The following AMZ1 variants were observed in gnomAD, a reference collection of about 807,000 sequenced individuals.
The protein encoded by AMZ1 is archaelysin family metallopeptidase 1, also known as archaemetzincin-1.
Under a neutral mutation model 29.9 loss-of-function variants are expected in AMZ1, and 39 were observed. That is an observed-to-expected ratio of 1.30 (90% CI 1.01 to 1.70). The LOEUF (loss-of-function observed/expected upper bound fraction) is 1.70. AMZ1 is among the 40% of genes most tolerant of loss of function. The pLI, the probability that AMZ1 is intolerant of heterozygous loss-of-function variation, is 0.00. For synonymous variants in AMZ1, 458 were observed against 304.0 expected (o/e 1.51, Z -5.27); for missense variants, 1,041 against 680.6 (o/e 1.53, Z -5.89).
intron 1 of AMZ1, among the ~76,000 whole-genome samples, chr7:2,691,737 A>AAAAAAAT (rs1554245469): frequency 6.6e-6 from 1 of 151,274 alleles, no homozygotes; most frequent in Admixed American, 6.6e-5. Context: ...TCTCAAAAAA[A>AAAAAAAT]AAAAAAAAAA....
Position 2,731,172 on chromosome 7 carries a change from C to A in AMZ1, n.550+21356C>A. The A allele has an allele frequency of 1.3e-6, 2 of 1,589,494 alleles. No homozygotes were observed. The highest frequency in any genetic ancestry group is 8.6e-7 in the Non-Finnish European group (1 of 1,163,388). Reference sequence around the variant, plus strand: ...TGCTCAACGACGACAAACCCCGGGGCTTCCTCGCTCACTGCAGCATGATGT... The same window carrying A: ...TGCTCAACGACGACAAACCCCGGGGATTCCTCGCTCACTGCAGCATGATGT... On this transcript the variant is annotated intron_variant and non_coding_transcript_variant, in intron 4 of 4. Transcript: ENST00000489665. This position sits in a 1 kb window ranked among gnomAD's most constrained non-coding sequence, Gnocchi z 6.0.
chr7:2,683,934 T>G (rs564683182), upstream of AMZ1, among the ~76,000 whole-genome samples: 2 of 151,708 alleles, frequency 1.3e-5, no homozygotes, highest in African/African-American at 4.8e-5. Context: ...TCCCAGCACT[T>G]TGGGAGGCCG....
intron 4 of AMZ1, among the ~76,000 whole-genome samples, chr7:2,735,853 G>A (rs767510774): frequency 6.6e-6 from 1 of 152,140 alleles, no homozygotes; most frequent in African/African-American, 2.4e-5. Flanking sequence ...ACTGTAAGGT[G>A]CCAGGGACTG....
At position 2,753,317 on chromosome 7, in the gene AMZ1, C is replaced by T. The variant is rs550063227; in HGVS notation, n.551-11395C>T. 2.0e-5 allele frequency among the ~76,000 whole-genome samples: 3 copies of T among 152,244 alleles called. No homozygotes were observed. The South Asian group carries it at 6.2e-4, about 32-fold the overall frequency. On this transcript the variant is annotated intron_variant and non_coding_transcript_variant, in intron 4 of 4. Transcript: ENST00000489665. ...TATAGGTGCATGCCACCACGATTGGCTAATTTTATTTTTTGTAGAGATGGG... is the reference window on the plus strand; with the variant it reads ...TATAGGTGCATGCCACCACGATTGGTTAATTTTATTTTTTGTAGAGATGGG...
chr7:2,722,358 T>C (rs559213761), downstream of AMZ1, among the ~76,000 whole-genome samples: 7 of 152,164 alleles, frequency 4.6e-5, no homozygotes, highest in East Asian at 1.9e-4. Context: ...CTGCAAGCTC[T>C]GCCTCCCGGG....
At chr7:2,709,867 C>A in intron 6 of AMZ1, 51 bp downstream of exon 6, 1 of 1,592,208 alleles carries the variant, frequency 6.3e-7, no homozygotes, top group Non-Finnish European at 8.5e-7. Context: ...GCTCCGGAGG[C>A]CCGCGAGCGC....
At chr7:2,725,666 G>C (rs1218137205) in intron 4 of AMZ1, among the ~76,000 whole-genome samples, 1 of 152,198 alleles carries the variant, frequency 6.6e-6, no homozygotes, top group Non-Finnish European at 1.5e-5. Context: ...TCCACTCCCA[G>C]AGCTCAGTTA....
intron 4 of AMZ1, among the ~76,000 whole-genome samples, chr7:2,759,012 C>T (rs542235333): frequency 6.6e-6 from 1 of 151,720 alleles, no homozygotes; most frequent in East Asian, 1.9e-4. Context: ...TGGTGGTGGG[C>T]GCCTGTAATC....
At chr7:2,696,471 A>T (rs571562244) in intron 1 of AMZ1, among the ~76,000 whole-genome samples, 2 of 149,612 alleles carry the variant, frequency 1.3e-5, no homozygotes, top group African/African-American at 2.4e-5. Context: ...GTTAGCCAGG[A>T]TGGTCTCGAT....
At chr7:2,696,236 G>A (rs1262678559) in intron 1 of AMZ1, among the ~76,000 whole-genome samples, 1 of 149,812 alleles carries the variant, frequency 6.7e-6, no homozygotes, top group East Asian at 2.0e-4. Context: ...AACACAGTGC[G>A]GTTTGTGGCT....
intron 4 of AMZ1, among the ~76,000 whole-genome samples, chr7:2,727,861 C>T (rs891469876): frequency 2.6e-5 from 4 of 151,416 alleles, no homozygotes; most frequent in Non-Finnish European, 4.4e-5. Flanking sequence ...ATAGAGACCA[C>T]CCTGGCCAAC....
At chr7:2,691,569 C>T (rs897102787) in intron 1 of AMZ1, among the ~76,000 whole-genome samples, 4 of 147,658 alleles carry the variant, frequency 2.7e-5, no homozygotes, top group East Asian at 1.9e-4. Flanking sequence ...GGTGAAACCT[C>T]GTTTCTACTA....
At chr7:2,743,161 C>T (rs1790595327) in intron 4 of AMZ1, among the ~76,000 whole-genome samples, 3 of 152,156 alleles carry the variant, frequency 2.0e-5, no homozygotes. Flanking sequence ...TGCCTAAGAG[C>T]CTGGCTGGCC....
Position 2,702,885 on chromosome 7 carries a change from C to T in AMZ1, c.468C>T (p.His156=). 1 of 1,585,216 alleles carries T rather than the reference C, an allele frequency of 6.3e-7. No individual in the cohort carries two copies. ...GGGACTCTGACAGGCTCCAGCTCCA[C>T]ACAGGTGAGTGAGGACGGCAGCCGC... The part of the protein sequence containing the change: ...PSRDSDRLQL[H]TDGILSFLKN... The change falls in exon 3 of 7, where the codon CAC becomes CAT. Residue 156 remains histidine, a synonymous_variant. Coordinates refer to ENST00000683327, the MANE Select transcript of AMZ1 (RefSeq NM_001384743.1).
chr7:2,735,610 C>T (rs1298228802), intron 4 of AMZ1, among the ~76,000 whole-genome samples: 3 of 152,204 alleles, frequency 2.0e-5, no homozygotes, highest in Admixed American at 1.3e-4. Context: ...CCCCCAGCTG[C>T]ACTTCACAAC....
Position 2,740,644 on chromosome 7 carries a change from A to G in AMZ1, n.551-24068A>G, listed in dbSNP as rs547024535. Reference sequence around the variant, plus strand: ...CAGAGGCAAAGATGGTGAAATGTAAACAACATGTTAATACTGGGCAATGGG... The same window carrying G: ...CAGAGGCAAAGATGGTGAAATGTAAGCAACATGTTAATACTGGGCAATGGG... On this transcript the variant is annotated intron_variant and non_coding_transcript_variant, in intron 4 of 4. Coordinates refer to the AMZ1 transcript ENST00000489665. Among the ~76,000 whole-genome samples the G allele has an allele frequency of 1.2e-3, 187 of 152,324 alleles. 1 individual carries two copies. Among genetic ancestry groups the G allele is most frequent in the African/African-American group, 4.2e-3 (176 of 41,570 alleles).
upstream of AMZ1, among the ~76,000 whole-genome samples, chr7:2,683,424 T>C (rs1422992184): frequency 6.6e-6 from 1 of 151,286 alleles, no homozygotes; most frequent in Non-Finnish European, 1.5e-5. Flanking sequence ...TGTTTTTTTG[T>C]TTGTTTGTTT....
chr7:2,758,996 G>A (rs1357069619), intron 4 of AMZ1, among the ~76,000 whole-genome samples: 6 of 151,714 alleles, frequency 4.0e-5, no homozygotes, highest in Non-Finnish European at 7.4e-5. Flanking sequence ...AAAAACTAGC[G>A]GGGCGTGGTG....
rs1168744155 is a variant in AMZ1 at position 2,731,877 on chromosome 7, CA to C, written n.550+22065del. ...TTTTGCAACAGGTTGAACCAGAAACCAAAAGCAAATTTCATTTATAACATTA... is the reference window on the plus strand; with the variant it reads ...TTTTGCAACAGGTTGAACCAGAAACCAAAGCAAATTTCATTTATAACATTA... On this transcript the variant is annotated intron_variant and non_coding_transcript_variant, in intron 4 of 4. Transcript: ENST00000489665. The surrounding 1 kb of genome is among the most constrained non-coding windows in gnomAD (Gnocchi z 6.0). 1.9e-5 allele frequency: 10 copies of C among 531,758 alleles called. No individual in the cohort carries two copies. Among genetic ancestry groups the C allele is most frequent in the Non-Finnish European group, 2.9e-5 (9 of 306,828 alleles). The allele number at this position is 531,758 out of a possible 1,614,324, so 32.9% of individuals were successfully genotyped here. A position where few individuals can be genotyped will look rare whatever the true frequency, so the allele number is the denominator to read the frequency against.
Sources: allele counts gnomAD v4.1 joint callset (sites outside exome capture counted in the v4.1 genomes callset), GRCh38; gene constraint gnomAD v4.1.1; non-coding constraint Gnocchi (gnomAD v3.1); transcripts MANE v1.5; gene names NCBI Gene and HGNC (gene_info 2026-07-23, HGNC 2026-07-21).